IFT140: variants seen among roughly 807,000 people sequenced by gnomAD.
The protein encoded by IFT140 is intraflagellar transport 140.
In IFT140, 133 loss-of-function variants were observed where a neutral mutation model predicts 164.6. That is an observed-to-expected ratio of 0.81 (90% CI 0.70 to 0.93). The LOEUF (loss-of-function observed/expected upper bound fraction) is 0.93. Ranked by LOEUF, IFT140 falls within the 40% of genes least tolerant of loss-of-function variation. The probability of loss-of-function intolerance (pLI) is 0.00; values close to 1 mark genes in which losing one functional copy is unlikely to be tolerated. For missense variants in IFT140, 2,045 were observed against 1,972.3 expected, an observed-to-expected ratio of 1.04 and a Z score of -0.70; for synonymous variants, 860 against 817.3, an observed-to-expected ratio of 1.05 and a Z score of -0.89.
Position 1,553,738 on chromosome 16 carries a change from G to T in IFT140, c.2399+4197C>A. The T allele has an allele frequency of 8.7e-7, 1 of 1,150,218 alleles. No individual in the cohort carries two copies. The highest frequency in any genetic ancestry group is 1.1e-6 in the Non-Finnish European group (1 of 920,366). The allele number at this position is 1,150,218 out of a possible 1,614,324, so 71.3% of individuals were successfully genotyped here. A position where few individuals can be genotyped will look rare whatever the true frequency, so the allele number is the denominator to read the frequency against. Reference sequence around the variant, plus strand: ...GACAATCTGTGGCCACATCCCCATGGCTGTAGGGGATGAGGAGGGGCAGGG... The same window carrying T: ...GACAATCTGTGGCCACATCCCCATGTCTGTAGGGGATGAGGAGGGGCAGGG... On this transcript the variant is annotated intron_variant, in intron 19 of 30. Transcript: ENST00000426508. The surrounding 1 kb of genome is among the most constrained non-coding windows in gnomAD (Gnocchi z 4.4).
intron 3 of IFT140, among the ~76,000 whole-genome samples, chr16:1,603,732 C>T (rs2035910275): frequency 6.6e-6 from 1 of 152,306 alleles, no homozygotes; most frequent in Non-Finnish European, 1.5e-5. Context: ...CTGCCCGCCT[C>T]GGCCTCCCAA....
intron 18 of IFT140, among the ~76,000 whole-genome samples, chr16:1,560,285 G>T (rs770628794): frequency 7.2e-5 from 11 of 152,250 alleles, no homozygotes; most frequent in Admixed American, 3.9e-4. Flanking sequence ...GGAACAGTGT[G>T]ACGCATAAAC....
intron 19 of IFT140, 72 bp from the exon 20 acceptor site, chr16:1,526,868 C>T: frequency 6.8e-7 from 1 of 1,472,638 alleles, no homozygotes; most frequent in Non-Finnish European, 9.1e-7. Context: ...GGCCCCTTCT[C>T]CTGGGGCAAG....
intron 13 of IFT140, among the ~76,000 whole-genome samples, chr16:1,578,842 G>A (rs2034408514): frequency 6.6e-6 from 1 of 152,216 alleles, no homozygotes; most frequent in Admixed American, 6.5e-5. Context: ...CTCCTGAGTA[G>A]CTGGCACTAT....
intron 19 of IFT140, among the ~76,000 whole-genome samples, chr16:1,548,934 A>G (rs1399269016): frequency 6.6e-6 from 1 of 152,246 alleles, no homozygotes; most frequent in Non-Finnish European, 1.5e-5. Flanking sequence ...AGGTTCCCTC[A>G]TGCCAGGCAT....
rs781672845 is a variant in IFT140, at chr16:1,523,603, G to A, written c.3368C>T (p.Pro1123Leu). The A allele has an allele frequency of 6.8e-6, 11 of 1,613,964 alleles. No homozygotes were observed. The highest frequency in any genetic ancestry group is 9.3e-6 in the Non-Finnish European group (11 of 1,180,024). ...GTCGGAGCAGCGGGCCAGGAGCGCA[G>A]GGTCTGACGTCTCATCCAGGTCCTC... is the stretch of plus-strand genomic sequence containing the variant. ...IAEDLDETSD[P>L]ALLARCSDFF... The change falls in exon 26 of 31, where the codon CCT becomes CTT. Residue 1123 changes from proline (P) to leucine (L), a missense_variant. Physicochemically the swap from Pro to Leu is moderately conservative, Grantham distance 98 (BLOSUM62 -3). Transcript: ENST00000426508.
At chr16:1,591,963 C>G (rs1207159731) in intron 6 of IFT140, among the ~76,000 whole-genome samples, 1 of 152,252 alleles carries the variant, frequency 6.6e-6, no homozygotes, top group Non-Finnish European at 1.5e-5. Flanking sequence ...CTCAACTTGT[C>G]TATCAGAACA....
chr16:1,541,961 G>C, intron 19 of IFT140: 2 of 1,609,878 alleles, frequency 1.2e-6, no homozygotes, highest in Non-Finnish European at 1.7e-6. Flanking sequence ...TGGTGGCCAC[G>C]GCCGCGCTCA....
intron 4 of IFT140, among the ~76,000 whole-genome samples, chr16:1,595,334 C>T (rs1596446202): frequency 1.3e-5 from 2 of 151,764 alleles, no homozygotes; most frequent in African/African-American, 4.8e-5. Context: ...AGGAAACTTA[C>T]AGACCAGGCT....
At chr16:1,519,740 G>C in intron 29 of IFT140, 141 bp downstream of exon 29, 1 of 715,506 alleles carries the variant, frequency 1.4e-6, no homozygotes, top group Non-Finnish European at 2.1e-6. Flanking sequence ...AGGAGGTGGG[G>C]TGTGTCTTCA....
intron 2 of IFT140, among the ~76,000 whole-genome samples, chr16:1,607,810 A>G (rs2036150386): frequency 6.6e-6 from 1 of 152,124 alleles, no homozygotes; most frequent in Non-Finnish European, 1.5e-5. Flanking sequence ...TGCCCAGCTA[A>G]TTTTTAAGTA....
At chr16:1,550,835 C>T (rs896582664) in intron 19 of IFT140, among the ~76,000 whole-genome samples, 3 of 152,236 alleles carry the variant, frequency 2.0e-5, no homozygotes, top group Non-Finnish European at 2.9e-5. Context: ...AAGTCAAGAG[C>T]GCCCTAGCCG....
At chr16:1,548,081 G>A (rs533750908) in intron 19 of IFT140, among the ~76,000 whole-genome samples, 4 of 152,262 alleles carry the variant, frequency 2.6e-5, no homozygotes, top group East Asian at 3.9e-4. Flanking sequence ...TGAGAGCTTC[G>A]GAGCCTCTCG....
chr16:1,592,506 T>C lies in IFT140; in HGVS notation c.452A>G (p.His151Arg). Residue 151 changes from histidine to arginine, a missense_variant, in exon 5 of 31, where the codon CAC (histidine) becomes CGC (arginine). Transcript: ENST00000426508. ...TPLLKHEYGKHLTHCIFRLPP... is the reference protein window; with the variant it reads ...TPLLKHEYGKRLTHCIFRLPP... Reference sequence around the variant, plus strand: ...GAGCCGGAAGATGCAGTGCGTGAGGTGTTTCCCATACTCGTGTTTCAGCAG... The same window carrying C: ...GAGCCGGAAGATGCAGTGCGTGAGGCGTTTCCCATACTCGTGTTTCAGCAG... The C allele has an allele frequency of 6.2e-7, 1 of 1,614,138 alleles. No individual in the cohort carries two copies. Among genetic ancestry groups the C allele is most frequent in the Admixed American group, 1.7e-5 (1 of 60,016 alleles).
intron 19 of IFT140, among the ~76,000 whole-genome samples, chr16:1,538,844 A>G (rs2031333026): frequency 6.6e-6 from 1 of 152,096 alleles, no homozygotes; most frequent in African/African-American, 2.4e-5. Flanking sequence ...CTGGCTGTGG[A>G]GTCCGTTGGA....
At position 1,552,753 on chromosome 16, in the gene IFT140, A is replaced by G. The variant is rs116501307; in HGVS notation, c.2399+5182T>C. On this transcript the variant is annotated intron_variant, in intron 19 of 30. Transcript: ENST00000426508. The stretch of plus-strand genomic sequence containing the variant: ...AACCTCCGCCTCTTGGGTTCAAGCA[A>G]TTCTCTGCTTCAGTCTCCTGAGTAA... Among the ~76,000 whole-genome samples, 417 of 151,506 alleles carry G rather than the reference A, an allele frequency of 2.8e-3. 6 individuals carry two copies. Among genetic ancestry groups the G allele is most frequent in the African/African-American group, 9.8e-3 (402 of 41,230 alleles).
In IFT140 at chr16:1,580,783, G is replaced by A. The variant is rs1431070116; in HGVS notation, c.1500C>T (p.Asn500=). Residue 500 remains asparagine (N), a synonymous_variant, in exon 13 of 31, where the codon AAC becomes AAT. Coordinates refer to ENST00000426508, the MANE Select transcript of IFT140 (RefSeq NM_014714.4). ...HEENVYTVES[N]RVQVRTWQGT... ...CCTGCCAGGTTCGAACTTGAACTCG[G>A]TTTGACTCCACCGTGTAAACGTTTT... The A allele has an allele frequency of 1.2e-6, 2 of 1,613,764 alleles. No homozygotes were observed.
intron 12 of IFT140, among the ~76,000 whole-genome samples, chr16:1,581,359 G>A (rs2034548035): frequency 6.6e-6 from 1 of 152,100 alleles, no homozygotes; most frequent in South Asian, 2.1e-4. Flanking sequence ...CAGCATTTAG[G>A]GAGGCTGAAG....
chr16:1,604,274 C>CGCGTGTGTGTGTGTGT (rs552736270), intron 3 of IFT140: 1 of 129,812 alleles, frequency 7.7e-6, no homozygotes, highest in African/African-American at 2.9e-5. Context: ...GCTGCAAGGG[C>CGCGTGTGTGTGTGTGT]GTGTGTGTGT....
Sources: gnomAD v4.1 joint callset for allele counts (sites outside exome capture counted in the v4.1 genomes callset) on GRCh38, gnomAD v4.1.1 for gene constraint, Gnocchi (gnomAD v3.1) non-coding constraint, MANE v1.5 for transcripts, NCBI Gene and HGNC (gene_info 2026-07-23, HGNC 2026-07-21) for gene names.